Variants in RXRB observed in about 807,000 individuals in gnomAD.
The protein encoded by RXRB is retinoic acid receptor RXR-beta.
In RXRB, 18 loss-of-function variants were observed where a neutral mutation model predicts 52.5. The ratio of observed to expected loss-of-function variants is 0.34; its 90% CI spans 0.24 to 0.51. The LOEUF (loss-of-function observed/expected upper bound fraction) is 0.51, where lower values mean the gene tolerates loss of function less well. Ranked by LOEUF, RXRB falls within the 20% of genes least tolerant of loss-of-function variation. RXRB has a pLI of 0.97. For missense variants in RXRB, 455 were observed against 698.2 expected (o/e 0.65, Z 3.92); for synonymous variants, 233 against 267.1 (o/e 0.87, Z 1.25).
At chr6:33,199,953 A>G (rs1774322288) in intron 1 of RXRB, 2 of 740,114 alleles carry the variant, frequency 2.7e-6, no homozygotes, top group African/African-American at 3.4e-5. Flanking sequence ...AAGACGCAGG[A>G]TCTGCCTGTA....
chr6:33,198,341 G>A lies in RXRB; in HGVS notation c.607C>T (p.Arg203Trp). The change falls in exon 3 of 10, where the codon CGG (arginine) becomes TGG (tryptophan). Residue 203 changes from arginine (R) to tryptophan (W), a missense_variant. By Grantham distance (101) the Arg-to-Trp change is moderately radical. Transcript: ENST00000374680. ...PPPGGPGAGK[R>W]LCAICGDRSS... is the part of the protein sequence containing the mutation. ...CTGTCCCCGCAGATTGCACATAGCC[G>A]TTTGCCAGCCCCAGGGCCACCTGGA... 17 of 1,613,080 alleles carry A rather than the reference G, an allele frequency of 1.1e-5. No homozygotes were observed. Among genetic ancestry groups the A allele is most frequent in the Non-Finnish European group, 1.3e-5 (15 of 1,180,030 alleles).
In RXRB at chr6:33,195,620, G is replaced by A. The variant is rs184921826; in HGVS notation, c.1206C>T (p.His402=). The A allele has an allele frequency of 1.5e-4, 247 of 1,613,088 alleles. No individual in the cohort carries two copies. In the East Asian group the frequency reaches 3.3e-3, roughly 22 times the overall value. The change falls in exon 7 of 10, where the codon CAC becomes CAT. Residue 402 remains histidine, a synonymous_variant. Transcript: ENST00000374680. This position sits in a 1 kb window ranked among gnomAD's most constrained non-coding sequence, Gnocchi z 8.6. The part of the protein sequence containing the change: ...RDGILLATGL[H]VHRNSAHSAG... ...CTGAATGGGCTGAGTTGCGGTGCACGTGAAGACCTGTGGCAAGGAGGATGC... is the reference window on the plus strand; with the variant it reads ...CTGAATGGGCTGAGTTGCGGTGCACATGAAGACCTGTGGCAAGGAGGATGC...
In RXRB at chr6:33,197,745, G is replaced by A. The variant is rs762161440; in HGVS notation, c.820+17C>T. 11 of 1,612,360 alleles carry A rather than the reference G, an allele frequency of 6.8e-6. No homozygotes were observed. Among genetic ancestry groups the A allele is most frequent in the African/African-American group, 1.3e-5 (1 of 74,902 alleles). On this transcript the variant is annotated intron_variant, in intron 4 of 9. Coordinates refer to ENST00000374680, the MANE Select transcript of RXRB (RefSeq NM_021976.5). The surrounding 1 kb of genome is among the most constrained non-coding windows in gnomAD (Gnocchi z 4.4). ...AGGGCATGTGGTCTAAGACGCCTGG[G>A]CAGGGCGGGTCCTTACCCTCCCTCT...
chr6:33,195,169 G>T lies in RXRB; in HGVS notation c.1349-119C>A. Reference sequence around the variant, plus strand: ...CTGCACTTGCTTGCCCTTTACCAGAGGCCTGGCAAGGGAAGCAGGGCCCAC... The same window carrying T: ...CTGCACTTGCTTGCCCTTTACCAGATGCCTGGCAAGGGAAGCAGGGCCCAC... On this transcript the variant is annotated intron_variant, in intron 8 of 9. Coordinates refer to ENST00000374680, the MANE Select transcript of RXRB (RefSeq NM_021976.5). This position sits in a 1 kb window ranked among gnomAD's most constrained non-coding sequence, Gnocchi z 8.6. 1 of 829,542 alleles carries T rather than the reference G, an allele frequency of 1.2e-6. No homozygotes were observed. The highest frequency in any genetic ancestry group is 1.5e-5 in the South Asian group (1 of 67,054). 51.4% of individuals were successfully genotyped at this position (829,542 alleles called of 1,614,324 possible).
chr6:33,199,208 T>C lies in RXRB; in HGVS notation c.444A>G (p.Pro148=). ...CAGGCCCGGAGAATCCTGGGGGAGC[T>C]GGAGGGGGCAGACCAGGGGACCCCA... is the stretch of plus-strand genomic sequence containing the variant. ...SSMGSPGLPP[P]APPGFSGPVS... is the part of the protein sequence containing the mutation. The change falls in exon 2 of 10, where the codon CCA becomes CCG. Residue 148 remains proline, a synonymous_variant. Transcript: ENST00000374680. 1 of 1,228,720 alleles carries C rather than the reference T, an allele frequency of 8.1e-7. No homozygotes were observed. The highest frequency in any genetic ancestry group is 1.0e-6 in the Non-Finnish European group (1 of 985,636). The allele number at this position is 1,228,720 out of a possible 1,614,324, so 76.1% of individuals were successfully genotyped here.
Position 33,196,578 on chromosome 6 carries a change from C to G in RXRB, c.849G>C (p.Lys283Asn), listed in dbSNP as rs762991498. The change falls in exon 5 of 10, where the codon AAG (lysine) becomes AAC (asparagine). Residue 283 changes from lysine (K) to asparagine (N), a missense_variant. Coordinates refer to ENST00000374680, the MANE Select transcript of RXRB (RefSeq NM_021976.5). The surrounding 1 kb of genome is among the most constrained non-coding windows in gnomAD (Gnocchi z 4.0). ...CCCCCTCCCCATCCCCATCCTTGTCCTTTCCCCGCTGACGCTCCTCCTGTA... is the reference window on the plus strand; with the variant it reads ...CCCCCTCCCCATCCCCATCCTTGTCGTTTCCCCGCTGACGCTCCTCCTGTA... Reference protein sequence around the residue: ...EAVQEERQRGKDKDGDGEGAG... With the variant: ...EAVQEERQRGNDKDGDGEGAG... 1 of 1,611,654 alleles carries G rather than the reference C, an allele frequency of 6.2e-7. No homozygotes were observed. The highest frequency in any genetic ancestry group is 8.5e-7 in the Non-Finnish European group (1 of 1,179,302).
chr6:33,195,542 C>A lies in RXRB; in HGVS notation c.1256+28G>T, dbSNP rs574788030. ...CCTATAGCCCCACCCCCTCTATCTA[C>A]ATGCCAGCCTAGCCGAGGGCCACTG... is the stretch of plus-strand genomic sequence containing the variant. On this transcript the variant is annotated intron_variant, in intron 7 of 9. Coordinates refer to ENST00000374680, the MANE Select transcript of RXRB (RefSeq NM_021976.5). The surrounding 1 kb of genome is among the most constrained non-coding windows in gnomAD (Gnocchi z 8.6). The A allele has an allele frequency of 1.2e-6, 2 of 1,612,986 alleles. No homozygotes were observed. Among genetic ancestry groups the A allele is most frequent in the Admixed American group, 1.7e-5 (1 of 60,014 alleles).
chr6:33,196,253 G>T lies in RXRB; in HGVS notation c.993+181C>A. The stretch of plus-strand genomic sequence containing the variant: ...GCCAGTGGGTTGTTTGGGGAGTGGA[G>T]ACAGAAGGAGCTATCACATCCACCT... On this transcript the variant is annotated intron_variant, in intron 5 of 9. Coordinates refer to ENST00000374680, the MANE Select transcript of RXRB (RefSeq NM_021976.5). The surrounding 1 kb of genome is among the most constrained non-coding windows in gnomAD (Gnocchi z 4.0). The T allele has an allele frequency of 1.1e-6, 1 of 915,028 alleles. No homozygotes were observed. Among genetic ancestry groups the T allele is most frequent in the Non-Finnish European group, 1.8e-6 (1 of 563,812 alleles). The allele number at this position is 915,028 out of a possible 1,614,324, so 56.7% of individuals were successfully genotyped here.
chr6:33,196,087 G>T lies in RXRB; in HGVS notation c.994-51C>A. Reference sequence around the variant, plus strand: ...TGGAAGATTTTGAGATATGCTGGGAGCCCCCTTGTAAGAGGCTTTTGACAC... The same window carrying T: ...TGGAAGATTTTGAGATATGCTGGGATCCCCCTTGTAAGAGGCTTTTGACAC... On this transcript the variant is annotated intron_variant, in intron 5 of 9. Coordinates refer to ENST00000374680, the MANE Select transcript of RXRB (RefSeq NM_021976.5). This position sits in a 1 kb window ranked among gnomAD's most constrained non-coding sequence, Gnocchi z 4.0. The T allele has an allele frequency of 6.2e-7, 1 of 1,609,574 alleles. No individual in the cohort carries two copies. The highest frequency in any genetic ancestry group is 1.1e-5 in the South Asian group (1 of 90,932).
chr6:33,195,846 A>C lies in RXRB; in HGVS notation c.1123+61T>G. On this transcript the variant is annotated intron_variant, in intron 6 of 9. Transcript: ENST00000374680. The surrounding 1 kb of genome is among the most constrained non-coding windows in gnomAD (Gnocchi z 8.6). ...AAGGTAAGGCCACTGGGGTCACTAA[A>C]GATCGGGAAGTCAAAGAGGGGTCAA... The C allele has an allele frequency of 6.2e-7, 1 of 1,606,004 alleles. No individual in the cohort carries two copies. Among genetic ancestry groups the C allele is most frequent in the Non-Finnish European group, 8.5e-7 (1 of 1,177,924 alleles).
At chr6:33,198,252 AGGTGATGATACAT>A in intron 3 of RXRB, 43 bp downstream of exon 3, 1 of 1,609,968 alleles carries the variant, frequency 6.2e-7, no homozygotes, top group Non-Finnish European at 8.5e-7. Context: ...GGAATCCCAC[AGGTGATGATACAT>A]GGCCCAGACT....
At chr6:33,200,827 T>C (rs1464121551), upstream of RXRB, 2 of 1,505,826 alleles carry the variant, frequency 1.3e-6, no homozygotes, top group Non-Finnish European at 1.8e-6. The surrounding 1 kb of genome is among the most constrained non-coding windows in gnomAD (Gnocchi z 6.3). Context: ...AGTGCCGCCA[T>C]ATTGGTAAAG....
Position 33,193,768 on chromosome 6 carries a change from G to A in RXRB, c.*914C>T, listed in dbSNP as rs1351044584. 6.6e-6 allele frequency: 1 copy of A among 152,246 alleles called. No homozygotes were observed. The highest frequency in any genetic ancestry group is 6.5e-5 in the Admixed American group (1 of 15,290). 9.4% of individuals were successfully genotyped at this position (152,246 alleles called of 1,614,324 possible). A position where few individuals can be genotyped will look rare whatever the true frequency, so the allele number is the denominator to read the frequency against. The stretch of plus-strand genomic sequence containing the variant: ...GTCCCCAGCCTATGCTATGTGCCCA[G>A]GGCTGGAGGAGAGCTGTAAAGGGAA... On this transcript the variant is annotated 3_prime_UTR_variant, in exon 10 of 10. Coordinates refer to ENST00000374680, the MANE Select transcript of RXRB (RefSeq NM_021976.5).
In RXRB at chr6:33,195,826, A is replaced by AAGGC; in HGVS notation, c.1123+77_1123+80dup. 2.5e-6 allele frequency: 4 copies of AAGGC among 1,603,362 alleles called. No individual in the cohort carries two copies. In the South Asian group the frequency reaches 4.4e-5, roughly 18 times the overall value. On this transcript the variant is annotated intron_variant, in intron 6 of 9. Coordinates refer to ENST00000374680, the MANE Select transcript of RXRB (RefSeq NM_021976.5). This position sits in a 1 kb window ranked among gnomAD's most constrained non-coding sequence, Gnocchi z 8.6. ...GTTTGGCTCCCTGGGTACGCAAGGTAAGGCCACTGGGGTCACTAAAGATCG... is the reference window on the plus strand; with the variant it reads ...GTTTGGCTCCCTGGGTACGCAAGGTAAGGCAGGCCACTGGGGTCACTAAAGATCG...
At position 33,199,360 on chromosome 6, in the gene RXRB, G is replaced by A. The variant is rs759432300; in HGVS notation, c.292C>T (p.Pro98Ser). Residue 98 changes from proline (P) to serine (S), a missense_variant, in exon 2 of 10, where the codon CCT becomes TCT. Pro to Ser is a moderately conservative substitution (Grantham distance 74). Coordinates refer to ENST00000374680, the MANE Select transcript of RXRB (RefSeq NM_021976.5). ...GGTAGGGGTGGCCCAGGAGGAGAAG[G>A]GGGAGGGACTCCCTGGGGAAGGGGA... ...PNPLPQGVPP[P>S]SPPGPPLPPS... The A allele has an allele frequency of 2.4e-6, 3 of 1,240,096 alleles. No homozygotes were observed. The highest frequency in any genetic ancestry group is 3.1e-6 in the Non-Finnish European group (3 of 979,992). The allele number at this position is 1,240,096 out of a possible 1,614,324, so 76.8% of individuals were successfully genotyped here.
At chr6:33,199,493 A>G in intron 1 of RXRB, 77 bp from the exon 2 acceptor site, 1 of 1,138,396 alleles carries the variant, frequency 8.8e-7, no homozygotes, top group Non-Finnish European at 1.1e-6. Flanking sequence ...GTCTTCAAAC[A>G]TCCAACTAGA....
rs1206258149 is a variant in RXRB, at chr6:33,195,255, G to A, written c.1348+108C>T. 1 of 838,692 alleles carries A rather than the reference G, an allele frequency of 1.2e-6. No homozygotes were observed. The highest frequency in any genetic ancestry group is 1.7e-5 in the African/African-American group (1 of 60,032). The allele number at this position is 838,692 out of a possible 1,614,324, so 52.0% of individuals were successfully genotyped here. A position where few individuals can be genotyped will look rare whatever the true frequency, so the allele number is the denominator to read the frequency against. On this transcript the variant is annotated intron_variant, in intron 8 of 9. Coordinates refer to ENST00000374680, the MANE Select transcript of RXRB (RefSeq NM_021976.5). This position sits in a 1 kb window ranked among gnomAD's most constrained non-coding sequence, Gnocchi z 8.6. Reference sequence around the variant, plus strand: ...TCCTCGGCCAGTTGGGAGATTTCCAGGTTGAGGGTCTTACTGAGGGGGATA... The same window carrying A: ...TCCTCGGCCAGTTGGGAGATTTCCAAGTTGAGGGTCTTACTGAGGGGGATA...
intron 1 of RXRB, chr6:33,199,952 G>A: frequency 2.7e-6 from 2 of 740,736 alleles, no homozygotes; most frequent in East Asian, 2.6e-5. Context: ...TAAGACGCAG[G>A]ATCTGCCTGT....
chr6:33,200,728 G>A, upstream of RXRB: 2 of 1,545,480 alleles, frequency 1.3e-6, no homozygotes, highest in Non-Finnish European at 1.7e-6. The surrounding 1 kb of genome is among the most constrained non-coding windows in gnomAD (Gnocchi z 6.3). Context: ...GTCTCCTCCG[G>A]CCTGTTAGCC....
Sources: gnomAD v4.1 joint callset for allele counts on GRCh38, gnomAD v4.1.1 for gene constraint, Gnocchi (gnomAD v3.1) non-coding constraint, MANE v1.5 for transcripts, NCBI Gene and HGNC (gene_info 2026-07-23, HGNC 2026-07-21) for gene names.